TUT7: variants seen among roughly 807,000 people sequenced by gnomAD.
TUT7 encodes terminal uridylyltransferase 7.
In TUT7, 33 loss-of-function variants were observed where a neutral mutation model predicts 165.9. The observed-to-expected ratio is 0.20, with a 90% CI of 0.15 to 0.27. The LOEUF is 0.27. Ranked by LOEUF, TUT7 falls within the 10% of genes least tolerant of loss-of-function variation. The probability of loss-of-function intolerance (pLI) is 1.00; values close to 1 mark genes in which losing one functional copy is unlikely to be tolerated. For synonymous variants in TUT7, 552 were observed against 608.1 expected, an observed-to-expected ratio of 0.91 and a Z score of 1.36; for missense variants, 1,338 against 1,762.3, an observed-to-expected ratio of 0.76 and a Z score of 4.31.
intron 17 of TUT7, among the ~76,000 whole-genome samples, chr9:86,312,432 C>G (rs1031444650): frequency 2.0e-5 from 3 of 152,114 alleles, no homozygotes; most frequent in Admixed American, 2.0e-4. Context: ...GGCAGCCACC[C>G]CGTCTGGGAA....
Position 86,339,079 on chromosome 9 carries a change from A to C in TUT7, c.1209-130T>G, listed in dbSNP as rs143627538. 3.9e-4 allele frequency: 343 copies of C among 876,278 alleles called. No homozygotes were observed. The African/African-American group carries it at 5.6e-3, about 14-fold the overall frequency. The allele number at this position is 876,278 out of a possible 1,614,324, so 54.3% of individuals were successfully genotyped here. ...ATACTTCAAAAATAAAAAGCTTAAA[A>C]GTGAAAAAAACTACATCTTTATGAG... On this transcript the variant is annotated intron_variant, in intron 8 of 26. Coordinates refer to ENST00000375963, the MANE Select transcript of TUT7 (RefSeq NM_024617.4).
In TUT7 at chr9:86,354,281, A is replaced by G. The variant is rs1178942310; in HGVS notation, c.-42T>C. On this transcript the variant is annotated 5_prime_UTR_variant, in exon 1 of 27. Coordinates refer to ENST00000375963, the MANE Select transcript of TUT7 (RefSeq NM_024617.4). ...ATGGAACCAACGTACCTCCGGGGCC[A>G]GGCCGGACAGCTACTCTGGAGTCCA... 6.5e-6 allele frequency: 1 copy of G among 152,816 alleles called. No individual in the cohort carries two copies. The highest frequency in any genetic ancestry group is 6.5e-5 in the Admixed American group (1 of 15,284). 9.5% of individuals were successfully genotyped at this position (152,816 alleles called of 1,614,324 possible). A position where few individuals can be genotyped will look rare whatever the true frequency, so the allele number is the denominator to read the frequency against.
chr9:86,316,155 A>C (rs1587914338), intron 17 of TUT7, among the ~76,000 whole-genome samples: 1 of 152,178 alleles, frequency 6.6e-6, no homozygotes, highest in Non-Finnish European at 1.5e-5. Flanking sequence ...TTAAAAGAAG[A>C]TTTTTCACTG....
Position 86,353,162 on chromosome 9 carries a change from G to C in TUT7, c.38C>G (p.Thr13Ser). 6.3e-7 allele frequency: 1 copy of C among 1,595,826 alleles called. No homozygotes were observed. Among genetic ancestry groups the C allele is most frequent in the Non-Finnish European group, 8.5e-7 (1 of 1,174,218 alleles). The change falls in exon 2 of 27, where the codon ACT (threonine) becomes AGT (serine). Residue 13 changes from threonine (T) to serine (S), a missense_variant. By Grantham distance (58) the Thr-to-Ser change is moderately conservative. This residue lies in a region of TUT7 where 434 missense variants were observed against 480.8 expected (regional missense o/e 0.90). Coordinates refer to ENST00000375963, the MANE Select transcript of TUT7 (RefSeq NM_024617.4). Reference sequence around the variant, plus strand: ...ATCATCCATAGTCCCCCGGTCTTTAGTGCGCTTCACGAAATAAGGTTTTGC... The same window carrying C: ...ATCATCCATAGTCCCCCGGTCTTTACTGCGCTTCACGAAATAAGGTTTTGC... ...DTAKPYFVKR[T>S]KDRGTMDDDD...
rs1831201477 is a variant in TUT7 at position 86,340,061 on chromosome 9, C to T, written c.1183G>A (p.Val395Met). The T allele has an allele frequency of 6.2e-7, 1 of 1,613,850 alleles. No homozygotes were observed. The highest frequency in any genetic ancestry group is 8.5e-7 in the Non-Finnish European group (1 of 1,179,898). ...CTTTGCTTTTCTCTGCACACCACCA[C>T]TGGCACCCTAGCATGGAAGTCTGCA... ...VDADFHARVP[V>M]VVCREKQSGL... Residue 395 changes from valine to methionine, a missense_variant, in exon 8 of 27, where the codon GTG becomes ATG. By Grantham distance (21) the Val-to-Met change is conservative (BLOSUM62 1). Around this residue, in one of 7 missense-constraint regions of TUT7, gnomAD observed 434 missense variants for 480.8 expected, o/e 0.90. Coordinates refer to ENST00000375963, the MANE Select transcript of TUT7 (RefSeq NM_024617.4).
Position 86,323,892 on chromosome 9 carries a change from G to T in TUT7, c.1858C>A (p.His620Asn). Residue 620 changes from histidine to asparagine, a missense_variant, in exon 13 of 27, where the codon CAT (histidine) becomes AAT (asparagine). Transcript: ENST00000375963. ...NSQPVFEYIL[H>N]CLRTTYKYFA... is the part of the protein sequence containing the mutation. ...TACTTGTATGTTGTCCTTAAACAATGAAGTATATATTCAAACACAGGTTGA... is the reference window on the plus strand; with the variant it reads ...TACTTGTATGTTGTCCTTAAACAATTAAGTATATATTCAAACACAGGTTGA... 1 of 1,613,472 alleles carries T rather than the reference G, an allele frequency of 6.2e-7. No homozygotes were observed. Among genetic ancestry groups the T allele is most frequent in the South Asian group, 1.1e-5 (1 of 90,992 alleles).
In TUT7 at chr9:86,308,433, A is replaced by T. The variant is rs760079394; in HGVS notation, c.3834T>A (p.Ile1278=). The change falls in exon 22 of 27, where the codon ATT becomes ATA. Residue 1278 remains isoleucine (I), a synonymous_variant. Coordinates refer to ENST00000375963, the MANE Select transcript of TUT7 (RefSeq NM_024617.4). ...CAAGTTTAATTTTATTCGTACCTTCAATAACAATGTATTTTGAGGTCCACT... is the reference window on the plus strand; with the variant it reads ...CAAGTTTAATTTTATTCGTACCTTCTATAACAATGTATTTTGAGGTCCACT... ...KKQWTSKYIV[I]EDPFDLNHNL... 1.9e-6 allele frequency: 3 copies of T among 1,611,334 alleles called. No individual in the cohort carries two copies. Among genetic ancestry groups the T allele is most frequent in the Admixed American group, 1.7e-5 (1 of 59,408 alleles).
intron 8 of TUT7, among the ~76,000 whole-genome samples, chr9:86,339,749 T>C (rs1831169994): frequency 6.6e-6 from 1 of 152,166 alleles, no homozygotes; most frequent in Admixed American, 6.5e-5. Flanking sequence ...AAAATACAGG[T>C]GATTACAGCA....
intron 1 of TUT7, 124 bp downstream of exon 1, chr9:86,354,147 C>T (rs1244639842): frequency 6.6e-6 from 1 of 152,494 alleles, no homozygotes; most frequent in Non-Finnish European, 1.5e-5. Flanking sequence ...GTCTTCTGCG[C>T]CCGCAGTCTG....
chr9:86,322,878 C>A lies in TUT7; in HGVS notation c.2872G>T (p.Gly958Cys). The change falls in exon 13 of 27, where the codon GGC becomes TGC. Residue 958 changes from glycine (G) to cysteine (C), a missense_variant. This residue lies in a region of TUT7 where 425 missense variants were observed against 474.9 expected (regional missense o/e 0.89). Coordinates refer to ENST00000375963, the MANE Select transcript of TUT7 (RefSeq NM_024617.4). The stretch of plus-strand genomic sequence containing the variant: ...CTAGTGGTGGTACTGATTACCTTGC[C>A]TTTGGTGAAGATAAGTTTACTGAAT... Reference protein sequence around the residue: ...YEFSKLIFTKGKSPTVVCSLC... With the variant: ...YEFSKLIFTKCKSPTVVCSLC... The A allele has an allele frequency of 6.3e-7, 1 of 1,592,244 alleles. No individual in the cohort carries two copies. The highest frequency in any genetic ancestry group is 1.2e-5 in the South Asian group (1 of 85,998).
intron 26 of TUT7, among the ~76,000 whole-genome samples, chr9:86,297,308 G>A (rs989518765): frequency 6.6e-6 from 1 of 152,014 alleles, no homozygotes; most frequent in African/African-American, 2.4e-5. Flanking sequence ...ACTTTTACAT[G>A]GATTTCTCAA....
At chr9:86,312,604 G>C (rs1828273278) in intron 17 of TUT7, among the ~76,000 whole-genome samples, 1 of 152,226 alleles carries the variant, frequency 6.6e-6, no homozygotes. Context: ...CATCCCATCT[G>C]GGAGGTGTAC....
intron 26 of TUT7, among the ~76,000 whole-genome samples, chr9:86,299,882 A>T (rs1416198490): frequency 6.6e-6 from 1 of 152,222 alleles, no homozygotes; most frequent in Non-Finnish European, 1.5e-5. Flanking sequence ...AATTTTGGGA[A>T]TACTATTTAA....
Position 86,297,921 on chromosome 9 carries a change from C to CTTTTTTTTTTTTTTTTTTTT in TUT7, c.4420+3354_4420+3355insAAAAAAAAAAAAAAAAAAAA, listed in dbSNP as rs59651352. Among the ~76,000 whole-genome samples, 11 of 86,498 alleles carry CTTTTTTTTTTTTTTTTTTTT rather than the reference C, an allele frequency of 1.3e-4. 2 individuals are homozygous for CTTTTTTTTTTTTTTTTTTTT. The highest frequency in any genetic ancestry group is 1.7e-4 in the African/African-American group (3 of 18,160). 56.7% of individuals were successfully genotyped at this position (86,498 alleles called of 152,430 possible). On this transcript the variant is annotated intron_variant, in intron 26 of 26. Transcript: ENST00000375963. ...CTCACTCACCCTTCTGCCTGCTCCA[C>CTTTTTTTTTTTTTTTTTTTT]TTTTTTTTTTTTTTCAAATTTCTTC...
Position 86,319,066 on chromosome 9 carries a change from G to A in TUT7, c.3116-8C>T. ...ACAGGCTCAATTTAGTTCCTGTTAG[G>A]GATATATGAAAAGTAATAACTAATT... On this transcript the variant is annotated splice_polypyrimidine_tract_variant and splice_region_variant and intron_variant, in intron 15 of 26. Transcript: ENST00000375963. 6.3e-7 allele frequency: 1 copy of A among 1,599,774 alleles called. No individual in the cohort carries two copies. Among genetic ancestry groups the A allele is most frequent in the Non-Finnish European group, 8.5e-7 (1 of 1,170,876 alleles).
intron 10 of TUT7, among the ~76,000 whole-genome samples, chr9:86,332,661 TATA>T (rs1157153315): frequency 6.6e-6 from 1 of 152,166 alleles, no homozygotes; most frequent in Non-Finnish European, 1.5e-5. Context: ...AGTTTACCTA[TATA>T]ATAAGCCTGC....
chr9:86,297,558 C>A (rs1392186668), intron 26 of TUT7, among the ~76,000 whole-genome samples: 2 of 151,978 alleles, frequency 1.3e-5, no homozygotes, highest in Admixed American at 1.3e-4. Flanking sequence ...CCAGGTGTGG[C>A]GGCTCATATC....
chr9:86,336,353 G>A (rs1587981667), intron 10 of TUT7, among the ~76,000 whole-genome samples: 1 of 152,276 alleles, frequency 6.6e-6, no homozygotes, highest in East Asian at 1.9e-4. Flanking sequence ...GTCTGGTAGA[G>A]ATACCCTCTC....
chr9:86,293,923 T>C (rs1392284028), intron 26 of TUT7, among the ~76,000 whole-genome samples: 1 of 152,062 alleles, frequency 6.6e-6, no homozygotes, highest in Non-Finnish European at 1.5e-5. Flanking sequence ...ATCTGTCTTT[T>C]TAGTAGAGAT....
Sources: gnomAD v4.1 joint callset for allele counts (sites outside exome capture counted in the v4.1 genomes callset) on GRCh38, gnomAD v4.1.1 for gene constraint, gnomAD v4.1.1 regional missense constraint, MANE v1.5 for transcripts, NCBI Gene and HGNC (gene_info 2026-07-23, HGNC 2026-07-21) for gene names.